Variants in STPG1 observed in about 807,000 individuals in gnomAD.
STPG1 encodes sperm tail PG-rich repeat containing 1.
In STPG1, 33 loss-of-function variants were observed where a neutral mutation model predicts 40.1. That is an observed-to-expected ratio of 0.82 (90% confidence interval 0.62 to 1.10). The LOEUF is 1.10. Ranked by LOEUF, STPG1 falls within the 50% of genes least tolerant of loss-of-function variation. The pLI is 0.00. For synonymous variants in STPG1, 150 were observed against 155.0 expected, an observed-to-expected ratio of 0.97 and a Z score of 0.24; for missense variants, 396 against 415.1, an observed-to-expected ratio of 0.95 and a Z score of 0.40.
In STPG1 at chr1:24,371,590, C is replaced by CAA. The variant is rs11348704; in HGVS notation, c.572-1753_572-1752dup. Among the ~76,000 whole-genome samples the CAA allele has an allele frequency of 4.0e-3, 435 of 108,144 alleles. 5 individuals carry two copies. Among genetic ancestry groups the CAA allele is most frequent in the African/African-American group, 0.014 (381 of 27,976 alleles). The allele number at this position is 108,144 out of a possible 152,430, so 70.9% of individuals were successfully genotyped here. The stretch of plus-strand genomic sequence containing the variant: ...TGGGCAACAGAGCGAGACTCCCTCT[C>CAA]AAAAAAAAAAAAAAAAATGTTCCCA... On this transcript the variant is annotated intron_variant, in intron 6 of 8. Transcript: ENST00000337248.
At chr1:24,365,295 G>A (rs979807765) in intron 7 of STPG1, among the ~76,000 whole-genome samples, 2 of 152,202 alleles carry the variant, frequency 1.3e-5, no homozygotes, top group Non-Finnish European at 2.9e-5. Context: ...GCAGATCAAG[G>A]GTTAGAAAAA....
In STPG1 at chr1:24,391,696, G is replaced by C; in HGVS notation, c.71-17C>G. The C allele has an allele frequency of 2.0e-6, 3 of 1,483,042 alleles. No individual in the cohort carries two copies. The highest frequency in any genetic ancestry group is 2.8e-6 in the Non-Finnish European group (3 of 1,090,444). The allele number at this position is 1,483,042 out of a possible 1,614,324, so 91.9% of individuals were successfully genotyped here. ...CAGTAAAACCTAAACAACAAAAATG[G>C]AGTAAAATCAAAATGAATACAAAAC... On this transcript the variant is annotated splice_polypyrimidine_tract_variant and intron_variant, in intron 2 of 8. Coordinates refer to ENST00000337248, the MANE Select transcript of STPG1 (RefSeq NM_001199013.2).
intron 2 of STPG1, among the ~76,000 whole-genome samples, chr1:24,397,685 A>G (rs988275137): frequency 6.6e-6 from 1 of 152,172 alleles, no homozygotes; most frequent in Non-Finnish European, 1.5e-5. Flanking sequence ...TCAACAGATT[A>G]AAAAAATCAT....
chr1:24,358,013 A>C lies in STPG1; in HGVS notation c.*530T>G, dbSNP rs1569945700. The C allele has an allele frequency of 2.8e-6, 1 of 355,468 alleles. No individual in the cohort carries two copies. The highest frequency in any genetic ancestry group is 2.1e-5 in the South Asian group (1 of 47,768). The allele number at this position is 355,468 out of a possible 1,614,324, so 22.0% of individuals were successfully genotyped here. ...GAAGCTGTGGACTGGTGGAAAAAGC[A>C]TCACCTGCCTGCAGGTAGCTTTCGC... is the stretch of plus-strand genomic sequence containing the variant. On this transcript the variant is annotated 3_prime_UTR_variant, in exon 9 of 9. Transcript: ENST00000337248.
At chr1:24,397,125 A>C (rs1234822997) in intron 2 of STPG1, among the ~76,000 whole-genome samples, 4 of 152,226 alleles carry the variant, frequency 2.6e-5, no homozygotes, top group Non-Finnish European at 4.4e-5. Context: ...TCAGCTCCTC[A>C]AGAGAACATA....
rs1553126266 is a variant in STPG1, at chr1:24,396,297, A to ATCTATCTATCTATCTATCTATCTG, written c.71-4619_71-4618insCAGATAGATAGATAGATAGATAGA. 2.1e-4 allele frequency among the ~76,000 whole-genome samples: 28 copies of ATCTATCTATCTATCTATCTATCTG among 132,622 alleles called. 1 individual carries two copies. Among genetic ancestry groups the ATCTATCTATCTATCTATCTATCTG allele is most frequent in the African/African-American group, 5.3e-4 (16 of 30,434 alleles). The allele number at this position is 132,622 out of a possible 152,430, so 87.0% of individuals were successfully genotyped here. ...TATCTATCTATCTATCTATCTATCTATCATCTATCTATCTTATTGATCTAT... is the reference window on the plus strand; with the variant it reads ...TATCTATCTATCTATCTATCTATCTATCTATCTATCTATCTATCTATCTGTCATCTATCTATCTTATTGATCTAT... On this transcript the variant is annotated intron_variant, in intron 2 of 8. Transcript: ENST00000337248.
At chr1:24,389,316 T>A (rs1406343657) in intron 3 of STPG1, among the ~76,000 whole-genome samples, 1 of 152,122 alleles carries the variant, frequency 6.6e-6, no homozygotes, top group Non-Finnish European at 1.5e-5. Flanking sequence ...TGTCTTCAGC[T>A]TGGTCTGTGT....
At chr1:24,388,235 A>AACAAAC (rs1642599388) in intron 3 of STPG1, among the ~76,000 whole-genome samples, 1 of 152,200 alleles carries the variant, frequency 6.6e-6, no homozygotes, top group African/African-American at 2.4e-5. Flanking sequence ...CCTTAGGGGT[A>AACAAAC]CACAGTTTGG....
rs1018583474 is a variant in STPG1 at position 24,357,306 on chromosome 1, G to A, written c.*1237C>T. ...GTGGAACCACAGCCATGCTGTAGGT[G>A]CTCCAGGTGCTCTGCGTGTACAAAG... On this transcript the variant is annotated 3_prime_UTR_variant, in exon 9 of 9. Transcript: ENST00000337248. The A allele has an allele frequency of 3.3e-5, 5 of 152,232 alleles. No homozygotes were observed. Among genetic ancestry groups the A allele is most frequent in the African/African-American group, 1.2e-4 (5 of 41,466 alleles). The allele number at this position is 152,232 out of a possible 1,614,324, so 9.4% of individuals were successfully genotyped here. A position where few individuals can be genotyped will look rare whatever the true frequency, so the allele number is the denominator to read the frequency against.
At chr1:24,398,008 A>C (rs956919361) in intron 2 of STPG1, among the ~76,000 whole-genome samples, 4 of 152,146 alleles carry the variant, frequency 2.6e-5, no homozygotes, top group African/African-American at 9.7e-5. Context: ...AAAAACTGTC[A>C]AACTATTTTT....
intron 2 of STPG1, among the ~76,000 whole-genome samples, chr1:24,394,885 G>A (rs2148707753): frequency 6.6e-6 from 1 of 151,174 alleles, no homozygotes; most frequent in Admixed American, 6.6e-5. Flanking sequence ...TATGAGGAGA[G>A]AAGAAATAGA....
intron 2 of STPG1, among the ~76,000 whole-genome samples, chr1:24,396,345 T>G (rs1272077973): frequency 1.3e-5 from 2 of 152,274 alleles, no homozygotes; most frequent in East Asian, 3.9e-4. Context: ...GGTCTTGCTC[T>G]GTTGCCCAGG....
At position 24,401,413 on chromosome 1, in the gene STPG1, C is replaced by A. The variant is rs775596020; in HGVS notation, c.-25G>T. 6.2e-7 allele frequency: 1 copy of A among 1,610,384 alleles called. No individual in the cohort carries two copies. Among genetic ancestry groups the A allele is most frequent in the Admixed American group, 1.7e-5 (1 of 59,826 alleles). Reference sequence around the variant, plus strand: ...TGTTAGCAAAATTCTGTGACGTGTTCCATTTGTTTGATGAAAAGTTCTACT... The same window carrying A: ...TGTTAGCAAAATTCTGTGACGTGTTACATTTGTTTGATGAAAAGTTCTACT... On this transcript the variant is annotated 5_prime_UTR_variant, in exon 2 of 9. The change creates a premature stop within an existing upstream ORF in the 5' untranslated region. Coordinates refer to ENST00000337248, the MANE Select transcript of STPG1 (RefSeq NM_001199013.2).
rs956916936 is a variant in STPG1 at position 24,360,827 on chromosome 1, A to C, written c.928+24T>G. On this transcript the variant is annotated intron_variant, in intron 8 of 8. Transcript: ENST00000337248. ...CAGTTCCAGAAGATTTGGTTTTTAC[A>C]ATCATTTAAAACAATCCTCTGACCT... 6.4e-6 allele frequency: 10 copies of C among 1,569,278 alleles called. No individual in the cohort carries two copies. The African/African-American group carries it at 1.1e-4, about 17-fold the overall frequency.
intron 7 of STPG1, among the ~76,000 whole-genome samples, chr1:24,362,189 T>C (rs1211702320): frequency 6.6e-6 from 1 of 152,202 alleles, no homozygotes; most frequent in Non-Finnish European, 1.5e-5. Flanking sequence ...ACTACTGCAC[T>C]TTAGCCAACA....
intron 3 of STPG1, among the ~76,000 whole-genome samples, chr1:24,389,227 CG>C (rs1454772694): frequency 6.6e-6 from 1 of 152,064 alleles, no homozygotes; most frequent in East Asian, 1.9e-4. Flanking sequence ...ACAAGTGAGC[CG>C]GCTTGCTTTC....
intron 4 of STPG1, among the ~76,000 whole-genome samples, chr1:24,383,042 G>C (rs796983160): frequency 2.0e-5 from 3 of 151,166 alleles, no homozygotes; most frequent in African/African-American, 4.9e-5. Context: ...CTCCCGAGTA[G>C]CTGGGACTAT....
chr1:24,365,434 T>G (rs1377805565), intron 7 of STPG1, among the ~76,000 whole-genome samples: 1 of 152,204 alleles, frequency 6.6e-6, no homozygotes, highest in East Asian at 1.9e-4. Flanking sequence ...CTGTGACGGA[T>G]ATTGAAGACC....
At chr1:24,368,136 T>TACAAGGCCAGCCTGC (rs1553121573) in intron 7 of STPG1, among the ~76,000 whole-genome samples, 1 of 152,128 alleles carries the variant, frequency 6.6e-6, no homozygotes, top group Non-Finnish European at 1.5e-5. Flanking sequence ...CTACAGCCTG[T>TACAAGGCCAGCCTGC]ACAAGGCCAG....
Sources: allele counts gnomAD v4.1 joint callset (sites outside exome capture counted in the v4.1 genomes callset), GRCh38; gene constraint gnomAD v4.1.1; transcripts MANE v1.5; gene names NCBI Gene and HGNC (gene_info 2026-07-23, HGNC 2026-07-21).